The following GRIP1 variants were observed in gnomAD, a reference collection of about 807,000 sequenced individuals.
The protein encoded by GRIP1 is glutamate receptor-interacting protein 1.
Under a neutral mutation model 129.9 loss-of-function variants are expected in GRIP1, and 45 were observed. The observed-to-expected ratio is 0.35, with a 90% CI of 0.27 to 0.44. GRIP1 has a LOEUF of 0.44. Among genes scored for constraint, GRIP1 ranks in the 20% least tolerant of loss-of-function variants. The pLI is 1.00. For missense variants in GRIP1, 1,196 were observed against 1,396.8 expected (o/e 0.86, Z 2.29); for synonymous variants, 530 against 520.8 (o/e 1.02, Z -0.24).
chr12:66,500,474 G>C (rs1403445400), intron 7 of GRIP1, among the ~76,000 whole-genome samples: 1 of 152,156 alleles, frequency 6.6e-6, no homozygotes, highest in Non-Finnish European at 1.5e-5. Context: ...AAAAATTGTG[G>C]TCTTTATTTT....
chr12:66,528,254 C>T (rs2061331372), intron 5 of GRIP1, among the ~76,000 whole-genome samples: 1 of 151,146 alleles, frequency 6.6e-6, no homozygotes, highest in African/African-American at 2.4e-5. Flanking sequence ...CCTGCCTCAG[C>T]CTCCTGAGTA....
intron 1 of GRIP1, among the ~76,000 whole-genome samples, chr12:66,891,221 G>T (rs139306820): frequency 9.3e-4 from 142 of 152,272 alleles, no homozygotes; most frequent in African/African-American, 3.4e-3. Flanking sequence ...CCATTTTGGA[G>T]ATAATGTCAA....
intron 7 of GRIP1, among the ~76,000 whole-genome samples, chr12:66,513,836 C>T (rs573532006): frequency 2.4e-3 from 369 of 152,222 alleles, no homozygotes; most frequent in Non-Finnish European, 4.2e-3. Flanking sequence ...ACACCCCATT[C>T]CCTCCTGACC....
intron 1 of GRIP1, among the ~76,000 whole-genome samples, chr12:66,696,513 G>C (rs1207316822): frequency 6.6e-6 from 1 of 152,050 alleles, no homozygotes; most frequent in Non-Finnish European, 1.5e-5. Flanking sequence ...TAGGCCAGGC[G>C]TGGTGGCTCT....
chr12:66,570,294 T>G (rs1303484659), intron 2 of GRIP1, among the ~76,000 whole-genome samples: 1 of 152,066 alleles, frequency 6.6e-6, no homozygotes, highest in Non-Finnish European at 1.5e-5. Flanking sequence ...ATTTTTAAAA[T>G]TTTTGTACAG....
chr12:66,454,621 G>C (rs186193357), intron 11 of GRIP1, among the ~76,000 whole-genome samples: 1 of 152,216 alleles, frequency 6.6e-6, no homozygotes, highest in Admixed American at 6.5e-5. Context: ...CCTCTATTCA[G>C]ACAACCAGCT....
Position 66,515,746 on chromosome 12 carries a change from G to A in GRIP1, c.597C>T (p.Pro199=), listed in dbSNP as rs778871470. 58 of 1,613,562 alleles carry A rather than the reference G, an allele frequency of 3.6e-5. No individual in the cohort carries two copies. Among genetic ancestry groups the A allele is most frequent in the East Asian group, 2.9e-4 (13 of 44,882 alleles). ...GPADREGTIK[P]GDRLLSVDGI... is the part of the protein sequence containing the mutation. The stretch of plus-strand genomic sequence containing the variant: ...CATCCACACTGAGCAACCTGTCACC[G>A]GGTTTGATCGTGCCCTCTCTGAAGG... The change falls in exon 7 of 25, where the codon CCC becomes CCT. Residue 199 remains proline (P), a synonymous_variant. Coordinates refer to ENST00000359742, the MANE Select transcript of GRIP1 (RefSeq NM_001366722.1).
chr12:66,763,525 C>G (rs967755708), intron 1 of GRIP1, among the ~76,000 whole-genome samples: 5 of 152,180 alleles, frequency 3.3e-5, no homozygotes, highest in Admixed American at 3.3e-4. Flanking sequence ...AAACTAGATG[C>G]TTGCCAGTAT....
At chr12:66,650,603 A>G (rs780045393) in intron 1 of GRIP1, among the ~76,000 whole-genome samples, 4 of 152,186 alleles carry the variant, frequency 2.6e-5, no homozygotes, top group African/African-American at 4.8e-5. Context: ...TCCTTGAGAG[A>G]TAACTTACAC....
chr12:66,531,512 C>T (rs972134308), intron 4 of GRIP1, among the ~76,000 whole-genome samples: 1 of 151,908 alleles, frequency 6.6e-6, no homozygotes, highest in Non-Finnish European at 1.5e-5. Flanking sequence ...AAACTGTCCA[C>T]TATCTGGCTG....
chr12:66,637,951 T>C (rs569051005), intron 1 of GRIP1, among the ~76,000 whole-genome samples: 3 of 152,348 alleles, frequency 2.0e-5, no homozygotes, highest in African/African-American at 7.2e-5. Context: ...CTGGAAGTGC[T>C]ACAAAAATCC....
chr12:66,355,560 C>T (rs2054448506), intron 23 of GRIP1, among the ~76,000 whole-genome samples: 1 of 152,100 alleles, frequency 6.6e-6, no homozygotes, highest in Non-Finnish European at 1.5e-5. Flanking sequence ...CCACACCGGC[C>T]CCACCACCCA....
chr12:66,843,056 A>C (rs1433526812), intron 1 of GRIP1, among the ~76,000 whole-genome samples: 1 of 152,154 alleles, frequency 6.6e-6, no homozygotes. Flanking sequence ...AACACCTTAA[A>C]AGAACCTGAG....
chr12:66,876,078 G>A (rs1188683703), intron 1 of GRIP1, among the ~76,000 whole-genome samples: 1 of 151,880 alleles, frequency 6.6e-6, no homozygotes, highest in Non-Finnish European at 1.5e-5. Flanking sequence ...TTAAATTTTA[G>A]TATTAGACAA....
chr12:66,830,751 C>T (rs12306766), intron 1 of GRIP1, among the ~76,000 whole-genome samples: 24,508 of 151,818 alleles, frequency 0.16, 2,119 homozygotes, highest in East Asian at 0.37. Context: ...TAACTTGCTC[C>T]AAGGTCACAC....
chr12:66,760,403 T>A (rs1256188109), intron 1 of GRIP1, among the ~76,000 whole-genome samples: 2 of 152,184 alleles, frequency 1.3e-5, no homozygotes, highest in Non-Finnish European at 2.9e-5. Flanking sequence ...AAAAAGAGGT[T>A]TAATTGGATT....
intron 1 of GRIP1, among the ~76,000 whole-genome samples, chr12:66,914,523 A>G (rs942510090): frequency 1.3e-5 from 2 of 152,246 alleles, no homozygotes; most frequent in African/African-American, 4.8e-5. Flanking sequence ...ACAGTGGATT[A>G]GCCATTCCTA....
At chr12:66,939,697 CA>C (rs927388518) in intron 1 of GRIP1, among the ~76,000 whole-genome samples, 18 of 145,828 alleles carry the variant, frequency 1.2e-4, no homozygotes, top group East Asian at 4.0e-4. Context: ...TTTCGTCTGC[CA>C]AAAAAAAAAG....
intron 17 of GRIP1, among the ~76,000 whole-genome samples, chr12:66,393,264 C>G (rs1027700025): frequency 8.0e-5 from 12 of 149,498 alleles, no homozygotes; most frequent in African/African-American, 3.0e-4. Flanking sequence ...CTGCAACCTC[C>G]GCATCCCGGG....
Sources: gnomAD v4.1 joint callset for allele counts (sites outside exome capture counted in the v4.1 genomes callset) on GRCh38, gnomAD v4.1.1 for gene constraint, MANE v1.5 for transcripts, NCBI Gene and HGNC (gene_info 2026-07-23, HGNC 2026-07-21) for gene names.